Variants in ARID4B observed in about 807,000 individuals in gnomAD.
ARID4B encodes AT-rich interaction domain 4B.
ARID4B carries 26 observed loss-of-function variants against 147.5 expected under a neutral mutation model. The observed-to-expected ratio is 0.18, with a 90% CI of 0.13 to 0.24. The LOEUF (loss-of-function observed/expected upper bound fraction) is 0.24. Ranked by LOEUF, ARID4B falls within the 10% of genes least tolerant of loss-of-function variation. The probability of loss-of-function intolerance (pLI) is 1.00; values close to 1 mark genes in which losing one functional copy is unlikely to be tolerated. For synonymous variants in ARID4B, 512 were observed against 507.9 expected (o/e 1.01, Z -0.11); for missense variants, 1,179 against 1,511.5 (o/e 0.78, Z 3.65).
intron 2 of ARID4B, among the ~76,000 whole-genome samples, chr1:235,321,088 G>C (rs1162563004): frequency 6.6e-6 from 1 of 152,134 alleles, no homozygotes; most frequent in Non-Finnish European, 1.5e-5. Context: ...ACAATGTCCG[G>C]TACAAGGAAA....
intron 7 of ARID4B, among the ~76,000 whole-genome samples, chr1:235,242,866 CAA>C (rs1294319955): frequency 1.3e-5 from 2 of 152,146 alleles, no homozygotes; most frequent in Non-Finnish European, 2.9e-5. Context: ...CTCACCTACT[CAA>C]GACTTTGTTC....
intron 11 of ARID4B, among the ~76,000 whole-genome samples, chr1:235,226,656 G>A (rs1037196598): frequency 3.3e-5 from 5 of 152,128 alleles, no homozygotes; most frequent in Non-Finnish European, 1.5e-5. Flanking sequence ...TGAGTAGCTG[G>A]GACTACAGGC....
intron 9 of ARID4B, among the ~76,000 whole-genome samples, chr1:235,234,078 C>CA (rs1022004948): frequency 1.6e-4 from 24 of 151,058 alleles, no homozygotes; most frequent in South Asian, 4.2e-4. Context: ...GACTCCGTCT[C>CA]AAAAAAAACA....
At chr1:235,264,807 C>T (rs944893168) in intron 2 of ARID4B, among the ~76,000 whole-genome samples, 10 of 151,696 alleles carry the variant, frequency 6.6e-5, no homozygotes, top group African/African-American at 2.4e-4. Flanking sequence ...CCTGTAATCC[C>T]AGCACTTTGG....
chr1:235,191,992 C>T (rs778385246), intron 19 of ARID4B, among the ~76,000 whole-genome samples: 7 of 151,994 alleles, frequency 4.6e-5, no homozygotes, highest in Admixed American at 3.3e-4. Flanking sequence ...ATGGAAAGGT[C>T]GCTTGAGCCC....
chr1:235,246,591 A>C, intron 6 of ARID4B, 80 bp from the exon 7 acceptor site: 1 of 972,748 alleles, frequency 1.0e-6, no homozygotes, highest in African/African-American at 1.6e-5. Flanking sequence ...TCAATTTAAG[A>C]ATATGCTCAG....
At chr1:235,206,798 G>A (rs1240492535) in intron 17 of ARID4B, among the ~76,000 whole-genome samples, 3 of 152,196 alleles carry the variant, frequency 2.0e-5, no homozygotes, top group Admixed American at 2.0e-4. Context: ...AAAGGCTGAT[G>A]AGAGTGGATT....
chr1:235,235,176 A>G (rs1668473218), intron 8 of ARID4B, among the ~76,000 whole-genome samples: 1 of 152,152 alleles, frequency 6.6e-6, no homozygotes, highest in Admixed American at 6.5e-5. Flanking sequence ...TAGGCAGATG[A>G]CAGAGTTATT....
At position 235,326,929 on chromosome 1, in the gene ARID4B, G is replaced by A. The variant is rs1486088580; in HGVS notation, c.-10C>T. 23 of 1,613,818 alleles carry A rather than the reference G, an allele frequency of 1.4e-5. No homozygotes were observed. The highest frequency in any genetic ancestry group is 2.2e-5 in the East Asian group (1 of 44,888). On this transcript the variant is annotated 5_prime_UTR_variant, in exon 2 of 24. Coordinates refer to ENST00000264183, the MANE Select transcript of ARID4B (RefSeq NM_016374.6). ...GCAATCTTACCTTCATGATGACTCT[G>A]GGACCAAGGTATCCTCTAAAACACC...
intron 2 of ARID4B, among the ~76,000 whole-genome samples, chr1:235,284,185 C>T (rs1329796198): frequency 6.6e-6 from 1 of 152,016 alleles, no homozygotes; most frequent in East Asian, 1.9e-4. Context: ...ACATGTGAAA[C>T]CCCATCTCTA....
In ARID4B at chr1:235,279,895, G is replaced by A. The variant is rs555890308; in HGVS notation, c.7-19143C>T. Among the ~76,000 whole-genome samples, 3 of 152,310 alleles carry A rather than the reference G, an allele frequency of 2.0e-5. No homozygotes were observed. In the South Asian group the frequency reaches 6.2e-4, roughly 32 times the overall value. On this transcript the variant is annotated intron_variant, in intron 2 of 23. Transcript: ENST00000264183. ...TCATGTTGTCACAATTCTTGGTTAG[G>A]GGAATTATGTGTGTCTTGTGTAACT...
chr1:235,256,942 C>A (rs1670023430), intron 4 of ARID4B, among the ~76,000 whole-genome samples: 1 of 152,094 alleles, frequency 6.6e-6, no homozygotes, highest in African/African-American at 2.4e-5. Flanking sequence ...TGTACACAAT[C>A]ATAACTTATT....
At chr1:235,292,051 CAT>C (rs1041380244) in intron 2 of ARID4B, among the ~76,000 whole-genome samples, 2 of 152,004 alleles carry the variant, frequency 1.3e-5, no homozygotes, top group African/African-American at 4.8e-5. Flanking sequence ...ACTTTTCAGC[CAT>C]ATGTTTGAAT....
At chr1:235,234,384 G>C in intron 9 of ARID4B, 29 bp downstream of exon 9, 7 of 1,461,918 alleles carry the variant, frequency 4.8e-6, no homozygotes, top group Non-Finnish European at 6.6e-6. Flanking sequence ...TTATAAACTG[G>C]TTTTTCAAAC....
intron 17 of ARID4B, among the ~76,000 whole-genome samples, chr1:235,199,657 TGA>T (rs961213675): frequency 1.1e-4 from 17 of 151,822 alleles, no homozygotes; most frequent in African/African-American, 3.4e-4. Flanking sequence ...TAGTGAAGAG[TGA>T]GAGACCAGTG....
chr1:235,195,126 G>A (rs1332466204), intron 18 of ARID4B, among the ~76,000 whole-genome samples: 16 of 152,098 alleles, frequency 1.1e-4, no homozygotes, highest in African/African-American at 3.9e-4. Flanking sequence ...TTGAGTGAGA[G>A]TAATTCTCCT....
Position 235,221,737 on chromosome 1 carries a change from ATATGAG to A in ARID4B, c.1066-81_1066-76del, listed in dbSNP as rs146749837. On this transcript the variant is annotated intron_variant, in intron 13 of 23. Transcript: ENST00000264183. ...AATAACATTTTGATAGACACAGTAT[ATATGAG>A]TATATTTTTATATTTATTGGTCCTA... 117 of 646,178 alleles carry A rather than the reference ATATGAG, an allele frequency of 1.8e-4. No homozygotes were observed. The African/African-American group carries it at 2.0e-3, about 11-fold the overall frequency. 40.0% of individuals were successfully genotyped at this position (646,178 alleles called of 1,614,324 possible). A position where few individuals can be genotyped will look rare whatever the true frequency, so the allele number is the denominator to read the frequency against.
rs572487313 is a variant in ARID4B, at chr1:235,266,880, A to T, written c.7-6128T>A. ...TAAAAAGCAAAACATGCTAGATGAC[A>T]TTTTATTGAGGTAGTTTATTTTAAA... On this transcript the variant is annotated intron_variant, in intron 2 of 23. Coordinates refer to ENST00000264183, the MANE Select transcript of ARID4B (RefSeq NM_016374.6). 5.9e-5 allele frequency among the ~76,000 whole-genome samples: 9 copies of T among 152,372 alleles called. No individual in the cohort carries two copies. In the East Asian group the frequency reaches 1.7e-3, roughly 29 times the overall value.
intron 17 of ARID4B, among the ~76,000 whole-genome samples, chr1:235,211,864 T>A (rs1432746954): frequency 6.6e-6 from 1 of 152,182 alleles, no homozygotes; most frequent in African/African-American, 2.4e-5. Flanking sequence ...AGTAAAAAAT[T>A]GGGCAAAATA....
Sources: allele counts gnomAD v4.1 joint callset (sites outside exome capture counted in the v4.1 genomes callset), GRCh38; gene constraint gnomAD v4.1.1; transcripts MANE v1.5; gene names NCBI Gene and HGNC (gene_info 2026-07-23, HGNC 2026-07-21).